The following CTNNA2 variants were observed in gnomAD, a reference collection of about 807,000 sequenced individuals.
CTNNA2 encodes the protein catenin alpha-2.
In CTNNA2, 42 loss-of-function variants were observed where a neutral mutation model predicts 101.0. The observed-to-expected ratio is 0.42, with a 90% CI of 0.32 to 0.54. The LOEUF is 0.54. Among genes scored for constraint, CTNNA2 ranks in the 20% least tolerant of loss-of-function variants. CTNNA2 has a pLI of 0.14. For missense variants in CTNNA2, 871 were observed against 1,223.1 expected, an observed-to-expected ratio of 0.71 and a Z score of 4.29; for synonymous variants, 450 against 456.4, an observed-to-expected ratio of 0.99 and a Z score of 0.18.
At chr2:79,474,760 A>G (rs949349992) in intron 4 of CTNNA2, among the ~76,000 whole-genome samples, 3 of 152,336 alleles carry the variant, frequency 2.0e-5, no homozygotes, top group Non-Finnish European at 2.9e-5. Flanking sequence ...AGTATTTTAC[A>G]CTTCCTGTTA....
At chr2:79,701,940 T>C (rs1294095770) in intron 2 of CTNNA2, among the ~76,000 whole-genome samples, 2 of 141,358 alleles carry the variant, frequency 1.4e-5, no homozygotes, top group Non-Finnish European at 3.0e-5. Flanking sequence ...AGATGGGGGT[T>C]ACAGTGAGCC....
At chr2:80,059,166 C>G (rs1187500577) in intron 7 of CTNNA2, among the ~76,000 whole-genome samples, 1 of 152,144 alleles carries the variant, frequency 6.6e-6, no homozygotes, top group Non-Finnish European at 1.5e-5. Context: ...CACATATACA[C>G]CCGAGGGCTC....
At chr2:79,484,078 A>G (rs1037457331) in intron 4 of CTNNA2, among the ~76,000 whole-genome samples, 1 of 152,044 alleles carries the variant, frequency 6.6e-6, no homozygotes, top group East Asian at 1.9e-4. Context: ...CCCTATCTCT[A>G]TAAAAAATAC....
chr2:79,481,459 CTT>C (rs1671108842), intron 4 of CTNNA2, among the ~76,000 whole-genome samples: 1 of 151,998 alleles, frequency 6.6e-6, no homozygotes, highest in African/African-American at 2.4e-5. Flanking sequence ...GGAAGAGTCT[CTT>C]TTCCTGAGAT....
chr2:79,874,585 C>T (rs544030634), intron 6 of CTNNA2, among the ~76,000 whole-genome samples: 1 of 152,224 alleles, frequency 6.6e-6, no homozygotes, highest in Non-Finnish European at 1.5e-5. Context: ...CTTTGGGAGG[C>T]CGAGGTGGGT....
chr2:79,662,676 G>A (rs1682118067), intron 2 of CTNNA2, among the ~76,000 whole-genome samples: 1 of 152,056 alleles, frequency 6.6e-6, no homozygotes, highest in Non-Finnish European at 1.5e-5. Flanking sequence ...AAAGGATTGG[G>A]GCATGTCAAC....
chr2:79,304,173 G>C (rs1208965773), intron 2 of CTNNA2, among the ~76,000 whole-genome samples: 4 of 152,244 alleles, frequency 2.6e-5, no homozygotes, highest in South Asian at 4.1e-4. Context: ...CTGAGGAACT[G>C]GGAGCAGGTA....
At chr2:80,372,476 A>G (rs1675535476) in intron 7 of CTNNA2, among the ~76,000 whole-genome samples, 2 of 151,068 alleles carry the variant, frequency 1.3e-5, no homozygotes, top group Admixed American at 1.3e-4. Context: ...ACTTGAGTGT[A>G]GAACCTGGAT....
intron 15 of CTNNA2, among the ~76,000 whole-genome samples, chr2:80,598,441 C>T (rs1479981006): frequency 6.6e-6 from 1 of 151,716 alleles, no homozygotes; most frequent in Admixed American, 6.6e-5. Flanking sequence ...ATTCTGCACA[C>T]ATAGCGTAGA....
chr2:80,091,680 G>A (rs938295214), intron 7 of CTNNA2, among the ~76,000 whole-genome samples: 2 of 152,054 alleles, frequency 1.3e-5, no homozygotes, highest in Non-Finnish European at 2.9e-5. Context: ...GAAGAGCAAG[G>A]TGAGCCTCCC....
intron 4 of CTNNA2, among the ~76,000 whole-genome samples, chr2:79,448,923 G>C (rs1226533059): frequency 6.6e-6 from 1 of 151,962 alleles, no homozygotes; most frequent in Non-Finnish European, 1.5e-5. Flanking sequence ...AACAATCAAG[G>C]GGCCTTGTGA....
chr2:79,879,982 A>G (rs571656011), intron 6 of CTNNA2, among the ~76,000 whole-genome samples: 128 of 152,248 alleles, frequency 8.4e-4, no homozygotes, highest in African/African-American at 2.7e-3. Context: ...TGTTATTTTG[A>G]GGTATGTTCC....
At chr2:79,739,780 C>T (rs913798040) in intron 2 of CTNNA2, among the ~76,000 whole-genome samples, 2 of 152,192 alleles carry the variant, frequency 1.3e-5, no homozygotes, top group Admixed American at 1.3e-4. Context: ...TTGTGGCTCC[C>T]ACCTTTAGAT....
chr2:80,308,973 C>T, intron 7 of CTNNA2, among the ~76,000 whole-genome samples: 1 of 152,022 alleles, frequency 6.6e-6, no homozygotes, highest in Non-Finnish European at 1.5e-5. Context: ...CCTGTAATCC[C>T]AGCTACTCAG....
intron 1 of CTNNA2, among the ~76,000 whole-genome samples, chr2:79,605,910 C>T (rs1594401): frequency 0.13 from 19,570 of 151,786 alleles, 2,043 homozygotes; most frequent in African/African-American, 0.3. Context: ...GCCTGGGTGA[C>T]AGGGTGAGAC....
In CTNNA2 at chr2:79,836,763, T is replaced by G. The variant is rs144593468; in HGVS notation, c.299-21250T>G. Among the ~76,000 whole-genome samples the G allele has an allele frequency of 7.3e-3, 1,111 of 152,266 alleles. 46 individuals are homozygous for G. The highest frequency in any genetic ancestry group is 0.06 in the Admixed American group (913 of 15,288). On this transcript the variant is annotated intron_variant, in intron 3 of 18. Coordinates refer to ENST00000402739, the MANE Select transcript of CTNNA2 (RefSeq NM_001282597.3). Reference sequence around the variant, plus strand: ...TTGTATTCTGTATCTGGTCTCTTCTTTTTTTCTTTTTCTTTCTTTATGTAC... The same window carrying G: ...TTGTATTCTGTATCTGGTCTCTTCTGTTTTTCTTTTTCTTTCTTTATGTAC...
chr2:79,461,671 G>T (rs371350215), intron 4 of CTNNA2, among the ~76,000 whole-genome samples: 2 of 152,056 alleles, frequency 1.3e-5, no homozygotes, highest in African/African-American at 2.4e-5. Context: ...AAGAAGGAGA[G>T]CAAAGATACC....
At chr2:80,112,230 G>A (rs1211466330) in intron 7 of CTNNA2, among the ~76,000 whole-genome samples, 2 of 151,962 alleles carry the variant, frequency 1.3e-5, no homozygotes, top group Non-Finnish European at 2.9e-5. Context: ...ATTTTTAAAT[G>A]GCTAACATTT....
At chr2:80,309,840 G>A (rs564729349) in intron 7 of CTNNA2, among the ~76,000 whole-genome samples, 37 of 145,618 alleles carry the variant, frequency 2.5e-4, no homozygotes, top group Non-Finnish European at 5.4e-4. Flanking sequence ...GATTACAGGC[G>A]CCCGCCACCA....
Sources: gnomAD v4.1 joint callset for allele counts (sites outside exome capture counted in the v4.1 genomes callset) on GRCh38, gnomAD v4.1.1 for gene constraint, MANE v1.5 for transcripts, NCBI Gene and HGNC (gene_info 2026-07-23, HGNC 2026-07-21) for gene names.